Variants in HECW1 observed in about 807,000 individuals in gnomAD.
HECW1 encodes HECT, C2 and WW domain containing E3 ubiquitin protein ligase 1, also known as E3 ubiquitin-protein ligase HECW1.
Under a neutral mutation model 182.3 loss-of-function variants are expected in HECW1, and 61 were observed. That is an observed-to-expected ratio of 0.33 (90% CI 0.27 to 0.41). The LOEUF is 0.41. Ranked by LOEUF, HECW1 falls within the 10% of genes least tolerant of loss-of-function variation. HECW1 has a pLI of 1.00. For synonymous variants in HECW1, 859 were observed against 832.6 expected, an observed-to-expected ratio of 1.03 and a Z score of -0.55; for missense variants, 1,739 against 2,108.9, an observed-to-expected ratio of 0.82 and a Z score of 3.44.
chr7:43,388,586 G>A (rs1315817005), intron 6 of HECW1, among the ~76,000 whole-genome samples: 1 of 152,184 alleles, frequency 6.6e-6, no homozygotes, highest in Non-Finnish European at 1.5e-5. Flanking sequence ...CTTCTGAGGA[G>A]GATACTGTTT....
In HECW1 at chr7:43,269,625, C is replaced by T. The variant is rs145718007; in HGVS notation, c.27+25693C>T. On this transcript the variant is annotated intron_variant, in intron 3 of 29. Transcript: ENST00000395891. ...TAAACGAATTGAAAGGCAAGACCATCCATCTGGGAATACCCCACCACAGAG... is the reference window on the plus strand; with the variant it reads ...TAAACGAATTGAAAGGCAAGACCATTCATCTGGGAATACCCCACCACAGAG... 9.5e-3 allele frequency among the ~76,000 whole-genome samples: 1,452 copies of T among 152,312 alleles called. 30 individuals carry two copies. Among genetic ancestry groups the T allele is most frequent in the African/African-American group, 0.033 (1,370 of 41,568 alleles).
chr7:43,271,107 T>C (rs1802352987), intron 3 of HECW1, among the ~76,000 whole-genome samples: 1 of 152,202 alleles, frequency 6.6e-6, no homozygotes, highest in Non-Finnish European at 1.5e-5. Context: ...GTACATGTGT[T>C]GTATGTATAT....
At chr7:43,488,349 AGG>A (rs2078736921) in intron 17 of HECW1, among the ~76,000 whole-genome samples, 1 of 98,346 alleles carries the variant, frequency 1.0e-5, no homozygotes, top group Non-Finnish European at 2.0e-5. Context: ...GAAGGAAGGA[AGG>A]AAGGAAGGAA....
intron 5 of HECW1, among the ~76,000 whole-genome samples, chr7:43,355,055 G>T (rs1471770279): frequency 1.3e-5 from 2 of 150,442 alleles, no homozygotes; most frequent in Non-Finnish European, 3.0e-5. Flanking sequence ...TGCCTCCCAG[G>T]AATTCCGTAT....
chr7:43,483,288 G>A (rs996150703), intron 17 of HECW1, among the ~76,000 whole-genome samples: 1 of 152,108 alleles, frequency 6.6e-6, no homozygotes, highest in African/African-American at 2.4e-5. Context: ...TCTGATGTGT[G>A]GAATCATCCC....
chr7:43,294,632 G>T (rs1805812068), intron 3 of HECW1, among the ~76,000 whole-genome samples: 1 of 152,136 alleles, frequency 6.6e-6, no homozygotes, highest in Non-Finnish European at 1.5e-5. Context: ...TTCCTGAAGG[G>T]GTCAGGACTT....
At chr7:43,373,781 A>C (rs886706208) in intron 6 of HECW1, among the ~76,000 whole-genome samples, 40 of 152,026 alleles carry the variant, frequency 2.6e-4, no homozygotes, top group African/African-American at 9.4e-4. Context: ...CCCACTAAAC[A>C]CCAGCTCCTC....
At chr7:43,526,056 A>G (rs2080744844) in intron 24 of HECW1, among the ~76,000 whole-genome samples, 1 of 152,250 alleles carries the variant, frequency 6.6e-6, no homozygotes, top group Non-Finnish European at 1.5e-5. Context: ...ACAAGCCTCA[A>G]TATTATACTG....
At chr7:43,479,539 T>C (rs1295621158) in intron 16 of HECW1, 71 bp from the exon 17 acceptor site, 3 of 1,580,710 alleles carry the variant, frequency 1.9e-6, no homozygotes, top group African/African-American at 1.3e-5. Flanking sequence ...GTAGCACTCC[T>C]GTATATTACT....
chr7:43,191,735 T>C (rs1793934641), intron 2 of HECW1, among the ~76,000 whole-genome samples: 1 of 152,206 alleles, frequency 6.6e-6, no homozygotes, highest in South Asian at 2.1e-4. Flanking sequence ...TGTATGCTTT[T>C]ACATTGCTTA....
chr7:43,239,970 T>C (rs1287684295), intron 2 of HECW1: 1 of 152,198 alleles, frequency 6.6e-6, no homozygotes, highest in Non-Finnish European at 1.5e-5. Flanking sequence ...TTTCATCATA[T>C]TGTTTGTCGT....
intron 17 of HECW1, among the ~76,000 whole-genome samples, chr7:43,488,835 C>T (rs977087277): frequency 7.9e-5 from 12 of 152,160 alleles, no homozygotes; most frequent in African/African-American, 2.4e-4. Flanking sequence ...GGCTCAGGGA[C>T]GCAGCAAGCC....
At chr7:43,529,903 T>G (rs1211077074) in intron 24 of HECW1, among the ~76,000 whole-genome samples, 1 of 152,142 alleles carries the variant, frequency 6.6e-6, no homozygotes, top group East Asian at 1.9e-4. Context: ...AGAGACCATC[T>G]AATCAACAGA....
In HECW1 at chr7:43,320,729, G is replaced by A. The variant is rs568530736; in HGVS notation, c.447G>A (p.Ser149=). Reference sequence around the variant, plus strand: ...TCATCTGGAAGATCGATGCCAGCTCGTACTTTGTGGAACGTGAGTACCTTT... The same window carrying A: ...TCATCTGGAAGATCGATGCCAGCTCATACTTTGTGGAACGTGAGTACCTTT... ...GQIIWKIDAS[S]YFVEPETKIC... The change falls in exon 5 of 30, where the codon TCG becomes TCA. Residue 149 remains serine, a synonymous_variant. Coordinates refer to ENST00000395891, the MANE Select transcript of HECW1 (RefSeq NM_015052.5). 3.5e-5 allele frequency: 56 copies of A among 1,612,942 alleles called. 1 individual carries two copies. The highest frequency in any genetic ancestry group is 3.2e-4 in the South Asian group (29 of 91,068).
chr7:43,237,839 CG>C lies in HECW1; in HGVS notation c.-31-6035del, dbSNP rs199680865. 5.7e-3 allele frequency among the ~76,000 whole-genome samples: 831 copies of C among 145,776 alleles called. 12 individuals carry two copies. The highest frequency in any genetic ancestry group is 0.017 in the African/African-American group (653 of 37,642). On this transcript the variant is annotated intron_variant, in intron 2 of 29. Coordinates refer to ENST00000395891, the MANE Select transcript of HECW1 (RefSeq NM_015052.5). ...ATGCAATTCACCAGTCTTTCCCCCCCGCCGCCCCCACTTGGAGCCTGCAAAA... is the reference window on the plus strand; with the variant it reads ...ATGCAATTCACCAGTCTTTCCCCCCCCCGCCCCCACTTGGAGCCTGCAAAA...
intron 5 of HECW1, among the ~76,000 whole-genome samples, chr7:43,328,967 C>T (rs898788481): frequency 5.9e-5 from 9 of 152,296 alleles, no homozygotes; most frequent in Non-Finnish European, 1.2e-4. Context: ...TCGTGCTGGT[C>T]TCCAGGGGCT....
chr7:43,518,692 A>G (rs951616866), intron 24 of HECW1, among the ~76,000 whole-genome samples: 2 of 152,190 alleles, frequency 1.3e-5, no homozygotes, highest in African/African-American at 2.4e-5. Context: ...ACCCTGGGAA[A>G]ACTGGTAAAG....
intron 26 of HECW1, among the ~76,000 whole-genome samples, chr7:43,544,697 A>G (rs2081489542): frequency 6.6e-6 from 1 of 152,240 alleles, no homozygotes; most frequent in Admixed American, 6.5e-5. Flanking sequence ...AATATCTGTA[A>G]CAGTCTAAAT....
intron 12 of HECW1, among the ~76,000 whole-genome samples, chr7:43,454,803 A>G (rs930163077): frequency 2.6e-5 from 4 of 152,250 alleles, no homozygotes; most frequent in African/African-American, 9.6e-5. Context: ...TGAAACTGTT[A>G]GTATCTGACC....
Sources: allele counts gnomAD v4.1 joint callset (sites outside exome capture counted in the v4.1 genomes callset), GRCh38; gene constraint gnomAD v4.1.1; transcripts MANE v1.5; gene names NCBI Gene and HGNC (gene_info 2026-07-23, HGNC 2026-07-21).